The following SLX4IP variants were observed in gnomAD, a reference collection of about 807,000 sequenced individuals.
SLX4IP encodes the protein SLX4 interacting protein, also known as protein SLX4IP.
Under a neutral mutation model 32.9 loss-of-function variants are expected in SLX4IP, and 34 were observed. The observed-to-expected ratio is 1.03, with a 90% confidence interval of 0.79 to 1.38. The LOEUF (loss-of-function observed/expected upper bound fraction) is 1.38, where lower values mean the gene tolerates loss of function less well. Among genes scored for constraint, SLX4IP ranks in the 40% most tolerant of loss-of-function variants. The pLI is 0.00. For synonymous variants in SLX4IP, 172 were observed against 171.7 expected (o/e 1.00, Z -0.01); for missense variants, 444 against 479.0 (o/e 0.93, Z 0.68).
chr20:10,585,372 C>T (rs753871034), intron 4 of SLX4IP, among the ~76,000 whole-genome samples: 1 of 152,010 alleles, frequency 6.6e-6, no homozygotes, highest in African/African-American at 2.4e-5. Flanking sequence ...CCATGTGGGC[C>T]CCTCTTTCTC....
chr20:10,518,602 G>A (rs942223457), intron 2 of SLX4IP, among the ~76,000 whole-genome samples: 2 of 143,618 alleles, frequency 1.4e-5, no homozygotes, highest in Non-Finnish European at 3.0e-5. Flanking sequence ...TTTAGACAGG[G>A]TCTCACTCTA....
chr20:10,575,247 G>A (rs1431979305), intron 4 of SLX4IP, among the ~76,000 whole-genome samples: 1 of 152,146 alleles, frequency 6.6e-6, no homozygotes, highest in Non-Finnish European at 1.5e-5. Flanking sequence ...AACTGGATGG[G>A]AGGCCTGTAG....
At chr20:10,479,694 C>T (rs2065505663) in intron 2 of SLX4IP, among the ~76,000 whole-genome samples, 1 of 149,272 alleles carries the variant, frequency 6.7e-6, no homozygotes, top group African/African-American at 2.5e-5. Context: ...TATTATCATC[C>T]AGGCTCTTAT....
intron 2 of SLX4IP, among the ~76,000 whole-genome samples, chr20:10,466,954 A>G (rs2065385710): frequency 6.6e-6 from 1 of 152,180 alleles, no homozygotes; most frequent in African/African-American, 2.4e-5. Flanking sequence ...ATTTCAGTTA[A>G]CCTTAGTCTT....
chr20:10,552,382 A>G (rs1458288536), intron 2 of SLX4IP, among the ~76,000 whole-genome samples: 1 of 152,136 alleles, frequency 6.6e-6, no homozygotes, highest in Non-Finnish European at 1.5e-5. Flanking sequence ...CTGGCAGTGT[A>G]AGAAGCTTTC....
At chr20:10,513,754 C>G (rs2065829430) in intron 2 of SLX4IP, among the ~76,000 whole-genome samples, 2 of 152,178 alleles carry the variant, frequency 1.3e-5, no homozygotes, top group African/African-American at 4.8e-5. Flanking sequence ...TGGCCATTGC[C>G]CCTCTGCAGC....
intron 4 of SLX4IP, among the ~76,000 whole-genome samples, chr20:10,588,496 T>G (rs925429458): frequency 1.3e-5 from 2 of 152,102 alleles, no homozygotes; most frequent in Non-Finnish European, 2.9e-5. Context: ...CAGTCTCACG[T>G]CTGGGTATAT....
At chr20:10,592,883 T>C (rs1600138020) in intron 4 of SLX4IP, among the ~76,000 whole-genome samples, 1 of 152,048 alleles carries the variant, frequency 6.6e-6, no homozygotes, top group Non-Finnish European at 1.5e-5. Context: ...CTGCCCACCT[T>C]GGCCTCCCAA....
chr20:10,454,745 T>C (rs964522592), intron 1 of SLX4IP, among the ~76,000 whole-genome samples: 10 of 151,946 alleles, frequency 6.6e-5, no homozygotes, highest in African/African-American at 2.2e-4. Flanking sequence ...GGAGTTATTA[T>C]TTTTTTTCTT....
intron 2 of SLX4IP, among the ~76,000 whole-genome samples, chr20:10,548,167 G>A (rs1364166485): frequency 6.6e-6 from 1 of 152,176 alleles, no homozygotes; most frequent in Non-Finnish European, 1.5e-5. Flanking sequence ...GGCATTATTA[G>A]AAGAGATTCA....
At chr20:10,567,323 G>A (rs1196819748) in intron 4 of SLX4IP, among the ~76,000 whole-genome samples, 2 of 152,212 alleles carry the variant, frequency 1.3e-5, no homozygotes, top group African/African-American at 4.8e-5. Flanking sequence ...AGAAGGTGGG[G>A]AAAGTATTTG....
At chr20:10,512,707 GTATA>G (rs1195471199) in intron 2 of SLX4IP, among the ~76,000 whole-genome samples, 1 of 116,660 alleles carries the variant, frequency 8.6e-6, no homozygotes, top group Non-Finnish European at 1.8e-5. Flanking sequence ...TATATATAGT[GTATA>G]TATATTTTAT....
chr20:10,436,811 G>C (rs1206992133), intron 1 of SLX4IP, among the ~76,000 whole-genome samples: 2 of 152,090 alleles, frequency 1.3e-5, no homozygotes, highest in African/African-American at 4.8e-5. Flanking sequence ...TTTCCAAAAA[G>C]TTGAAAAGAG....
chr20:10,455,499 T>G (rs1568688681), intron 1 of SLX4IP, among the ~76,000 whole-genome samples: 1 of 152,152 alleles, frequency 6.6e-6, no homozygotes, highest in African/African-American at 2.4e-5. Flanking sequence ...CAAGTTATCT[T>G]AGTACCCTTG....
chr20:10,538,937 TA>T (rs1349081352), intron 2 of SLX4IP, among the ~76,000 whole-genome samples: 1 of 152,202 alleles, frequency 6.6e-6, no homozygotes, highest in Non-Finnish European at 1.5e-5. Flanking sequence ...TTTAAGGAAT[TA>T]AGGGTGGGGA....
rs187242464 is a variant in SLX4IP at position 10,467,880 on chromosome 20, T to A, written c.27+9649T>A. Among the ~76,000 whole-genome samples, 3 of 152,326 alleles carry A rather than the reference T, an allele frequency of 2.0e-5. No individual in the cohort carries two copies. The East Asian group carries it at 5.8e-4, about 29-fold the overall frequency. ...ATTTTTTTTTTCTAAGAGTTCTCTC[T>A]GCCTTTCTGGCCAGACACCCAGTTT... On this transcript the variant is annotated intron_variant, in intron 2 of 7. Transcript: ENST00000334534.
At chr20:10,518,404 T>TTTCTTTCCTTCCTTCCTTCC (rs369072091) in intron 2 of SLX4IP, among the ~76,000 whole-genome samples, 3 of 92,426 alleles carry the variant, frequency 3.2e-5, no homozygotes, top group Admixed American at 1.1e-4. Context: ...TCTTTCTTTC[T>TTTCTTTCCTTCCTTCCTTCC]TTCCTTCCTT....
chr20:10,569,237 G>T (rs1325000456), intron 4 of SLX4IP, among the ~76,000 whole-genome samples: 1 of 149,744 alleles, frequency 6.7e-6, no homozygotes, highest in Non-Finnish European at 1.5e-5. Flanking sequence ...CCAGGCTGGA[G>T]TGCAATGGCA....
intron 1 of SLX4IP, 102 bp from the exon 2 acceptor site, chr20:10,458,074 T>C: frequency 1.6e-6 from 1 of 637,440 alleles, no homozygotes; most frequent in Admixed American, 3.3e-5. Context: ...ATCTCATAAA[T>C]ACCTATTGAT....
Sources: allele counts gnomAD v4.1 joint callset (sites outside exome capture counted in the v4.1 genomes callset), GRCh38; gene constraint gnomAD v4.1.1; transcripts MANE v1.5; gene names NCBI Gene and HGNC (gene_info 2026-07-23, HGNC 2026-07-21).